RNF19A: variants seen among roughly 807,000 people sequenced by gnomAD.
RNF19A encodes the protein E3 ubiquitin-protein ligase RNF19A.
In RNF19A, 32 loss-of-function variants were observed where a neutral mutation model predicts 75.7. The ratio of observed to expected loss-of-function variants is 0.42; its 90% CI spans 0.32 to 0.57. The LOEUF (loss-of-function observed/expected upper bound fraction) is 0.57, where lower values mean the gene tolerates loss of function less well. Ranked by LOEUF, RNF19A falls within the 20% of genes least tolerant of loss-of-function variation. The pLI, the probability that RNF19A is intolerant of heterozygous loss-of-function variation, is 0.10. For missense variants in RNF19A, 782 were observed against 1,036.3 expected (o/e 0.75, Z 3.37); for synonymous variants, 335 against 345.2 (o/e 0.97, Z 0.33).
chr8:100,270,644 CAAGG>C (rs1425696058), intron 3 of RNF19A, among the ~76,000 whole-genome samples: 1 of 151,954 alleles, frequency 6.6e-6, no homozygotes, highest in African/African-American at 2.4e-5. Flanking sequence ...ACCCAAAATA[CAAGG>C]AAGGAAGGAA....
rs966402971 is a variant in RNF19A at position 100,269,467 on chromosome 8, C to A, written c.1028+402G>T. Among the ~76,000 whole-genome samples the A allele has an allele frequency of 6.6e-6, 1 of 151,112 alleles. No homozygotes were observed. The highest frequency in any genetic ancestry group is 6.6e-5 in the Admixed American group (1 of 15,176). ...CCCTAGTCCTCCATTATCCTCAAAC[C>A]CTTAAGTCAGTTTTTTAATAGTAAA... On this transcript the variant is annotated intron_variant, in intron 4 of 9. Coordinates refer to ENST00000341084, the MANE Select transcript of RNF19A (RefSeq NM_183419.4). This position sits in a 1 kb window ranked among gnomAD's most constrained non-coding sequence, Gnocchi z 5.7.
At chr8:100,334,886 G>A (rs913331187) in intron 1 of RNF19A, among the ~76,000 whole-genome samples, 1 of 152,202 alleles carries the variant, frequency 6.6e-6, no homozygotes, top group Admixed American at 6.5e-5. Flanking sequence ...GTCTGCACTG[G>A]GGCCTGCTCT....
Position 100,324,102 on chromosome 8 carries a change from G to C in RNF19A, c.-242-10730C>G, listed in dbSNP as rs185206738. Reference sequence around the variant, plus strand: ...AGAGCTGTGATTTTGAGATGACTTTGTTCAAAGAAAATTCCCACACACTGA... The same window carrying C: ...AGAGCTGTGATTTTGAGATGACTTTCTTCAAAGAAAATTCCCACACACTGA... On this transcript the variant is annotated intron_variant, in intron 1 of 3. Transcript: ENST00000519527. This position sits in a 1 kb window ranked among gnomAD's most constrained non-coding sequence, Gnocchi z 4.2. Among the ~76,000 whole-genome samples, 4 of 152,274 alleles carry C rather than the reference G, an allele frequency of 2.6e-5. No individual in the cohort carries two copies. The highest frequency in any genetic ancestry group is 9.6e-5 in the African/African-American group (4 of 41,560).
At chr8:100,276,159 A>C (rs1004471808) in intron 2 of RNF19A, among the ~76,000 whole-genome samples, 1 of 152,210 alleles carries the variant, frequency 6.6e-6, no homozygotes, top group African/African-American at 2.4e-5. Context: ...TAATGTTCAA[A>C]GCAGCCTTAT....
rs1256646789 is a variant in RNF19A at position 100,284,902 on chromosome 8, G to A, written c.674+2599C>T. Among the ~76,000 whole-genome samples, 3 of 152,082 alleles carry A rather than the reference G, an allele frequency of 2.0e-5. No individual in the cohort carries two copies. The highest frequency in any genetic ancestry group is 4.4e-5 in the Non-Finnish European group (3 of 67,970). ...GGAACACTTGAGAAAGAAATGTAGTGCTATTAAAAATTGTATCAGTATACT... is the reference window on the plus strand; with the variant it reads ...GGAACACTTGAGAAAGAAATGTAGTACTATTAAAAATTGTATCAGTATACT... On this transcript the variant is annotated intron_variant, in intron 2 of 9. Coordinates refer to ENST00000341084, the MANE Select transcript of RNF19A (RefSeq NM_183419.4). The surrounding 1 kb of genome is among the most constrained non-coding windows in gnomAD (Gnocchi z 4.3).
At chr8:100,277,444 T>G (rs948286404) in intron 2 of RNF19A, among the ~76,000 whole-genome samples, 1 of 152,126 alleles carries the variant, frequency 6.6e-6, no homozygotes, top group African/African-American at 2.4e-5. Flanking sequence ...CCCGAGTAGC[T>G]GGGACTACAG....
chr8:100,281,763 G>A (rs1181607038), intron 2 of RNF19A, among the ~76,000 whole-genome samples: 1 of 152,078 alleles, frequency 6.6e-6, no homozygotes, highest in Non-Finnish European at 1.5e-5. Context: ...GTTCTTTAAA[G>A]GTAAGAACAG....
Position 100,260,824 on chromosome 8 carries a change from T to C in RNF19A, c.1682+718A>G, listed in dbSNP as rs1172181619. On this transcript the variant is annotated intron_variant, in intron 8 of 9. Transcript: ENST00000341084. The surrounding 1 kb of genome is among the most constrained non-coding windows in gnomAD (Gnocchi z 4.1). ...TTGGTGAGAACAAAGTAAGCAAGCA[T>C]TAATACATAAAAGGACCCTAGCCGA... Among the ~76,000 whole-genome samples the C allele has an allele frequency of 6.6e-6, 1 of 152,176 alleles. No individual in the cohort carries two copies. The highest frequency in any genetic ancestry group is 1.5e-5 in the Non-Finnish European group (1 of 68,034).
chr8:100,308,953 T>C (rs1822174112), intron 1 of RNF19A, among the ~76,000 whole-genome samples: 1 of 152,070 alleles, frequency 6.6e-6, no homozygotes, highest in Non-Finnish European at 1.5e-5. Context: ...TGGGAAAAAA[T>C]TAAACGTTTC....
At chr8:100,280,972 T>C (rs1820755332) in intron 2 of RNF19A, among the ~76,000 whole-genome samples, 1 of 152,210 alleles carries the variant, frequency 6.6e-6, no homozygotes, top group Non-Finnish European at 1.5e-5. Context: ...TGCTCTGGTA[T>C]AATAAGTGTT....
rs1186404631 is a variant in RNF19A, at chr8:100,324,830, T to A, written c.-243+11278A>T. 4.6e-5 allele frequency among the ~76,000 whole-genome samples: 7 copies of A among 152,022 alleles called. No homozygotes were observed. In the East Asian group the frequency reaches 1.4e-3, roughly 29 times the overall value. The stretch of plus-strand genomic sequence containing the variant: ...TCTTCTTCCTTCCTTCCTTCCTTCC[T>A]CCTTCTTCCTCCCTCCCTCCCTCCT... On this transcript the variant is annotated intron_variant, in intron 1 of 3. Coordinates refer to the RNF19A transcript ENST00000519527. The surrounding 1 kb of genome is among the most constrained non-coding windows in gnomAD (Gnocchi z 4.2).
rs1822501857 is a variant in RNF19A at position 100,324,404 on chromosome 8, A to G, written c.-242-11032T>C. On this transcript the variant is annotated intron_variant, in intron 1 of 3. Transcript: ENST00000519527. This position sits in a 1 kb window ranked among gnomAD's most constrained non-coding sequence, Gnocchi z 4.2. ...GTATTTCTTTTGTTTCCACCTTAAT[A>G]TTTACTGATTTATAGACCCAACAGG... 6.6e-6 allele frequency among the ~76,000 whole-genome samples: 1 copy of G among 152,196 alleles called. No homozygotes were observed.
chr8:100,287,475 A>G lies in RNF19A; in HGVS notation c.674+26T>C. ...ATCCACAGAGAAAAAAATTAACTCA[A>G]GAAAAATCAAACATTATCTTCTTAC... On this transcript the variant is annotated intron_variant, in intron 2 of 9. Coordinates refer to ENST00000341084, the MANE Select transcript of RNF19A (RefSeq NM_183419.4). The surrounding 1 kb of genome is among the most constrained non-coding windows in gnomAD (Gnocchi z 4.1). 6.5e-7 allele frequency: 1 copy of G among 1,543,388 alleles called. No individual in the cohort carries two copies. Among genetic ancestry groups the G allele is most frequent in the Non-Finnish European group, 8.7e-7 (1 of 1,148,104 alleles).
intron 3 of RNF19A, among the ~76,000 whole-genome samples, chr8:100,273,957 AT>A (rs986935563): frequency 6.6e-6 from 1 of 151,602 alleles, no homozygotes; most frequent in Non-Finnish European, 1.5e-5. Flanking sequence ...TAATTTTTGT[AT>A]TTTTTTAGTG....
In RNF19A at chr8:100,260,187, T is replaced by C; in HGVS notation, c.1683-190A>G. On this transcript the variant is annotated intron_variant, in intron 8 of 9. Transcript: ENST00000341084. This position sits in a 1 kb window ranked among gnomAD's most constrained non-coding sequence, Gnocchi z 4.1. ...CATAGTACCAGCCATCCAAATAAAA[T>C]GGGGAACATCAGCTGTCTGCCAAGT... 1 of 525,416 alleles carries C rather than the reference T, an allele frequency of 1.9e-6. No homozygotes were observed. The highest frequency in any genetic ancestry group is 3.3e-6 in the Non-Finnish European group (1 of 306,070). The allele number at this position is 525,416 out of a possible 1,614,324, so 32.5% of individuals were successfully genotyped here.
At chr8:100,298,863 C>T (rs1273154566) in intron 1 of RNF19A, among the ~76,000 whole-genome samples, 2 of 152,156 alleles carry the variant, frequency 1.3e-5, no homozygotes, top group South Asian at 2.1e-4. Context: ...AGGCCCTCTT[C>T]GACAAGAAGC....
At chr8:100,273,205 GT>G (rs890388632) in intron 3 of RNF19A, among the ~76,000 whole-genome samples, 6 of 151,750 alleles carry the variant, frequency 4.0e-5, no homozygotes, top group African/African-American at 1.2e-4. Context: ...TCCAAATGAA[GT>G]TTTTTTTTAA....
intron 3 of RNF19A, among the ~76,000 whole-genome samples, chr8:100,270,262 AAAG>A (rs1820191220): frequency 6.6e-6 from 1 of 152,158 alleles, no homozygotes; most frequent in South Asian, 2.1e-4. Context: ...AAGAATAAAA[AAAG>A]AATAAAAAGA....
At chr8:100,306,938 C>T (rs929326543) in intron 1 of RNF19A, among the ~76,000 whole-genome samples, 5 of 152,172 alleles carry the variant, frequency 3.3e-5, no homozygotes, top group Non-Finnish European at 2.9e-5. Flanking sequence ...TGATAAATAG[C>T]TTTTAAGCTG....
Sources: gnomAD v4.1 joint callset for allele counts (sites outside exome capture counted in the v4.1 genomes callset) on GRCh38, gnomAD v4.1.1 for gene constraint, Gnocchi (gnomAD v3.1) non-coding constraint, MANE v1.5 for transcripts, NCBI Gene and HGNC (gene_info 2026-07-23, HGNC 2026-07-21) for gene names.